Variants in ATP10A observed in about 807,000 individuals in gnomAD.
ATP10A encodes the protein phospholipid-transporting ATPase VA.
Under a neutral mutation model 147.8 loss-of-function variants are expected in ATP10A, and 111 were observed. That is an observed-to-expected ratio of 0.75 (90% CI 0.64 to 0.88). The LOEUF is 0.88. Ranked by LOEUF, ATP10A falls within the 40% of genes least tolerant of loss-of-function variation. The pLI is 0.00. For missense variants in ATP10A, 1,927 were observed against 1,959.0 expected (o/e 0.98, Z 0.31); for synonymous variants, 875 against 841.6 (o/e 1.04, Z -0.69).
chr15:25,827,858 A>G (rs557817841), intron 1 of ATP10A, among the ~76,000 whole-genome samples: 2 of 152,324 alleles, frequency 1.3e-5, no homozygotes, highest in South Asian at 4.1e-4. Context: ...AACTGACAGA[A>G]TAGATTTTTT....
chr15:25,861,506 A>G (rs1300275917), intron 1 of ATP10A, among the ~76,000 whole-genome samples: 2 of 152,196 alleles, frequency 1.3e-5, no homozygotes, highest in Non-Finnish European at 2.9e-5. Context: ...AGAGGCACGC[A>G]TCCATGGCTT....
intron 5 of ATP10A, among the ~76,000 whole-genome samples, chr15:25,724,409 T>C (rs1330988487): frequency 6.6e-6 from 1 of 152,232 alleles, no homozygotes; most frequent in Non-Finnish European, 1.5e-5. Flanking sequence ...GCTCAGACAC[T>C]GCCATTATTG....
At chr15:25,693,374 A>G (rs1328905072) in intron 14 of ATP10A, among the ~76,000 whole-genome samples, 1 of 152,050 alleles carries the variant, frequency 6.6e-6, no homozygotes, top group African/African-American at 2.4e-5. Flanking sequence ...TTGAGATTCC[A>G]TTCTGTGTTT....
At chr15:25,733,935 C>T (rs1887111477) in intron 3 of ATP10A, among the ~76,000 whole-genome samples, 1 of 152,212 alleles carries the variant, frequency 6.6e-6, no homozygotes, top group African/African-American at 2.4e-5. Context: ...CCCCGGTGGG[C>T]CTGGCTGGCT....
intron 1 of ATP10A, among the ~76,000 whole-genome samples, chr15:25,829,982 G>C (rs1217194809): frequency 6.6e-6 from 1 of 152,196 alleles, no homozygotes; most frequent in Non-Finnish European, 1.5e-5. Flanking sequence ...TCAGGTGTGT[G>C]CTAGGGGCCG....
chr15:25,705,005 C>T lies in ATP10A; in HGVS notation c.2576-2905G>A, dbSNP rs551987686. On this transcript the variant is annotated intron_variant, in intron 12 of 20. Transcript: ENST00000555815. Reference sequence around the variant, plus strand: ...AGACATTTAGAGAAACTAGCAAGGACGCCGGGGAAAATGAGCAAGAGTATC... The same window carrying T: ...AGACATTTAGAGAAACTAGCAAGGATGCCGGGGAAAATGAGCAAGAGTATC... 1.6e-4 allele frequency among the ~76,000 whole-genome samples: 25 copies of T among 152,262 alleles called. No individual in the cohort carries two copies. In the South Asian group the frequency reaches 3.5e-3, roughly 21 times the overall value.
Position 25,721,978 on chromosome 15 carries a change from A to C in ATP10A, c.1111-69T>G. ...GGGAGCTGGGGAATTACTCAAATCT[A>C]TTTAAATAACAAATGACTACAACCG... On this transcript the variant is annotated intron_variant, in intron 6 of 20. Coordinates refer to ENST00000555815, the MANE Select transcript of ATP10A (RefSeq NM_024490.4). The C allele has an allele frequency of 2.0e-6, 3 of 1,495,436 alleles. No homozygotes were observed. In the South Asian group the frequency reaches 3.7e-5, roughly 18 times the overall value. 92.6% of individuals were successfully genotyped at this position (1,495,436 alleles called of 1,614,324 possible).
At chr15:25,801,127 T>C (rs1596913831) in intron 1 of ATP10A, among the ~76,000 whole-genome samples, 1 of 152,312 alleles carries the variant, frequency 6.6e-6, no homozygotes, top group Admixed American at 6.5e-5. Flanking sequence ...TTGTGGGGTC[T>C]ATGCCCCCAT....
At chr15:25,690,286 C>A (rs1899954700) in intron 15 of ATP10A, among the ~76,000 whole-genome samples, 1 of 150,834 alleles carries the variant, frequency 6.6e-6, no homozygotes, top group African/African-American at 2.4e-5. Flanking sequence ...TTGTATTGCC[C>A]AAGCTTGAGT....
intron 15 of ATP10A, 60 bp from the exon 16 acceptor site, chr15:25,687,888 C>A: frequency 6.2e-7 from 1 of 1,609,370 alleles, no homozygotes; most frequent in African/African-American, 1.3e-5. Context: ...GATTTGTCTT[C>A]TCTTCTCAAA....
At chr15:25,673,252 A>G (rs1164962047), downstream of ATP10A, among the ~76,000 whole-genome samples, 6 of 152,228 alleles carry the variant, frequency 3.9e-5, no homozygotes, top group South Asian at 4.1e-4. Flanking sequence ...GACTCCCCCT[A>G]TGCGCTGGGC....
At chr15:25,725,723 C>T (rs900510866) in intron 5 of ATP10A, among the ~76,000 whole-genome samples, 1 of 152,096 alleles carries the variant, frequency 6.6e-6, no homozygotes, top group Admixed American at 6.5e-5. Context: ...CAACCTCCCC[C>T]TCCCGGGTTC....
chr15:25,736,659 A>T (rs527837045), intron 2 of ATP10A, among the ~76,000 whole-genome samples: 1 of 152,240 alleles, frequency 6.6e-6, no homozygotes, highest in Non-Finnish European at 1.5e-5. Flanking sequence ...AATTAAAAAA[A>T]AACCCTGACA....
chr15:25,858,990 C>T lies in ATP10A; in HGVS notation c.449+3658G>A, dbSNP rs988946438. 3.3e-5 allele frequency among the ~76,000 whole-genome samples: 5 copies of T among 152,190 alleles called. No individual in the cohort carries two copies. In the East Asian group the frequency reaches 9.6e-4, roughly 29 times the overall value. On this transcript the variant is annotated intron_variant, in intron 1 of 20. Transcript: ENST00000555815. ...AGCAGCACCCTTGCAAGGCACACTC[C>T]ATTTCTGGGAGCAGGGCTCCAGGTC... is the stretch of plus-strand genomic sequence containing the variant.
intron 1 of ATP10A, among the ~76,000 whole-genome samples, chr15:25,801,696 C>G (rs1378718294): frequency 6.6e-6 from 1 of 152,216 alleles, no homozygotes; most frequent in African/African-American, 2.4e-5. Flanking sequence ...CCCCGTGACG[C>G]TGATGTGTCT....
chr15:25,714,068 C>T lies in ATP10A; in HGVS notation c.1950G>A (p.Met650Ile), dbSNP rs763300809. The T allele has an allele frequency of 5.6e-6, 9 of 1,612,940 alleles. No homozygotes were observed. The highest frequency in any genetic ancestry group is 7.6e-6 in the Non-Finnish European group (9 of 1,180,028). Residue 650 changes from methionine (M) to isoleucine (I), a missense_variant, in exon 10 of 21, where the codon ATG becomes ATA. Met to Ile is a conservative substitution (Grantham distance 10, BLOSUM62 1). Coordinates refer to ENST00000555815, the MANE Select transcript of ATP10A (RefSeq NM_024490.4). Reference protein sequence around the residue: ...SFPSTPSSDGMLLRLEERLGQ... With the variant: ...SFPSTPSSDGILLRLEERLGQ... ...CCAGCCTCTCCTCCAGCCTGAGAAGCATGCCGTCGCTGGACGGGGTGGACG... is the reference window on the plus strand; with the variant it reads ...CCAGCCTCTCCTCCAGCCTGAGAAGTATGCCGTCGCTGGACGGGGTGGACG...
chr15:25,803,235 C>T (rs951841968), intron 1 of ATP10A, among the ~76,000 whole-genome samples: 13 of 152,220 alleles, frequency 8.5e-5, no homozygotes, highest in African/African-American at 3.1e-4. Flanking sequence ...GCACTTCCGC[C>T]ACACCGTCCC....
At chr15:25,762,996 A>G (rs1337289783) in intron 2 of ATP10A, among the ~76,000 whole-genome samples, 1 of 152,114 alleles carries the variant, frequency 6.6e-6, no homozygotes, top group African/African-American at 2.4e-5. Context: ...TTTTCAAGTG[A>G]CACACATTTT....
downstream of ATP10A, among the ~76,000 whole-genome samples, chr15:25,672,713 T>C (rs1445227480): frequency 6.6e-6 from 1 of 152,216 alleles, no homozygotes. Context: ...TATCTCACTG[T>C]GGTTTTGTCT....
Sources: gnomAD v4.1 joint callset for allele counts (sites outside exome capture counted in the v4.1 genomes callset) on GRCh38, gnomAD v4.1.1 for gene constraint, MANE v1.5 for transcripts, NCBI Gene and HGNC (gene_info 2026-07-23, HGNC 2026-07-21) for gene names.